FAM222A: variants seen among roughly 807,000 people sequenced by gnomAD.
FAM222A encodes the protein family with sequence similarity 222 member A, also known as protein FAM222A.
FAM222A carries 7 observed loss-of-function variants against 25.8 expected under a neutral mutation model. The ratio of observed to expected loss-of-function variants is 0.27; its 90% CI spans 0.15 to 0.51. The LOEUF (loss-of-function observed/expected upper bound fraction) is 0.51, where lower values mean the gene tolerates loss of function less well. Among genes scored for constraint, FAM222A ranks in the 20% least tolerant of loss-of-function variants. The pLI, the probability that FAM222A is intolerant of heterozygous loss-of-function variation, is 0.97. For missense variants in FAM222A, 573 were observed against 640.5 expected, an observed-to-expected ratio of 0.89 and a Z score of 1.14; for synonymous variants, 294 against 298.8, an observed-to-expected ratio of 0.98 and a Z score of 0.17.
At chr12:109,767,931 A>C (rs1889102634) in intron 2 of FAM222A, 81 bp from the exon 3 acceptor site, 3 of 1,340,648 alleles carry the variant, frequency 2.2e-6, no homozygotes, top group Non-Finnish European at 3.1e-6. Flanking sequence ...AAATGAGTGG[A>C]GGGGGCGGGA....
At chr12:109,723,712 C>T (rs574922986) in intron 1 of FAM222A, among the ~76,000 whole-genome samples, 48 of 152,346 alleles carry the variant, frequency 3.2e-4, no homozygotes, top group African/African-American at 1.1e-3. Flanking sequence ...GCTGTGATGC[C>T]GCATCGCATC....
intron 2 of FAM222A, among the ~76,000 whole-genome samples, chr12:109,748,341 T>C (rs201095926): frequency 0.15 from 21,034 of 144,824 alleles, 1,674 homozygotes; most frequent in East Asian, 0.31. Flanking sequence ...TTTCTTTTTT[T>C]TTTTTTTTTT....
chr12:109,735,740 G>A (rs1045644411), intron 1 of FAM222A: 3 of 152,214 alleles, frequency 2.0e-5, no homozygotes, highest in Non-Finnish European at 4.4e-5. Context: ...GGGGGCTTTC[G>A]GCTGAGCTCA....
intron 1 of FAM222A, chr12:109,736,067 A>G (rs1322273691): frequency 6.6e-6 from 1 of 152,380 alleles, no homozygotes; most frequent in African/African-American, 2.4e-5. Flanking sequence ...CCTGTCCTGA[A>G]CTAGCACTAG....
At position 109,768,350 on chromosome 12, in the gene FAM222A, G is replaced by T. The variant is rs764817979; in HGVS notation, c.421G>T (p.Val141Leu). The part of the protein sequence containing the change: ...GKRTKLSPAA[V>L]QVGIAPYPVP... ...GCGGACCAAGCTGTCACCGGCCGCCGTGCAGGTGGGCATTGCGCCCTACCC... is the reference window on the plus strand; with the variant it reads ...GCGGACCAAGCTGTCACCGGCCGCCTTGCAGGTGGGCATTGCGCCCTACCC... Residue 141 changes from valine (V) to leucine (L), a missense_variant, in exon 3 of 3, where the codon GTG becomes TTG. Val to Leu is a conservative substitution (Grantham distance 32, BLOSUM62 1). Transcript: ENST00000538780. The T allele has an allele frequency of 1.3e-6, 2 of 1,595,956 alleles. No individual in the cohort carries two copies. The highest frequency in any genetic ancestry group is 1.7e-6 in the Non-Finnish European group (2 of 1,174,812).
At chr12:109,723,374 C>G (rs922126038) in intron 1 of FAM222A, among the ~76,000 whole-genome samples, 1 of 152,220 alleles carries the variant, frequency 6.6e-6, no homozygotes. Flanking sequence ...CTTCTTGGCA[C>G]CACTGTAGAT....
chr12:109,755,130 G>A (rs1262448647), intron 2 of FAM222A, among the ~76,000 whole-genome samples: 1 of 152,086 alleles, frequency 6.6e-6, no homozygotes, highest in Non-Finnish European at 1.5e-5. Flanking sequence ...AAGCACAAAA[G>A]TTTTGAATTT....
At chr12:109,741,349 G>C (rs906860303) in intron 1 of FAM222A, among the ~76,000 whole-genome samples, 35 of 152,316 alleles carry the variant, frequency 2.3e-4, no homozygotes, top group African/African-American at 8.2e-4. Flanking sequence ...GGAGGATGTA[G>C]GCAGCTGCCC....
At chr12:109,743,917 G>T (rs1888314526) in intron 1 of FAM222A, 184 bp from the exon 2 acceptor site, 1 of 985,296 alleles carries the variant, frequency 1.0e-6, no homozygotes, top group Non-Finnish European at 1.2e-6. Context: ...TTCCCATGAG[G>T]CCACAGATGG....
intron 1 of FAM222A, 96 bp from the exon 2 acceptor site, chr12:109,744,005 G>A: frequency 1.4e-6 from 2 of 1,431,836 alleles, no homozygotes; most frequent in Non-Finnish European, 1.8e-6. Flanking sequence ...AGTCTCTGAT[G>A]TTCTTCGGGG....
intron 1 of FAM222A, among the ~76,000 whole-genome samples, chr12:109,724,344 C>G (rs971458309): frequency 6.6e-6 from 1 of 152,250 alleles, no homozygotes; most frequent in Admixed American, 6.5e-5. Context: ...GTGAAAGAGC[C>G]GTGTCACGGG....
At chr12:109,723,948 C>CT (rs1052652777) in intron 1 of FAM222A, among the ~76,000 whole-genome samples, 34 of 151,944 alleles carry the variant, frequency 2.2e-4, no homozygotes, top group Non-Finnish European at 4.0e-4. Context: ...AAAAAATCCC[C>CT]TTTTTTTTTC....
chr12:109,715,514 C>T (rs1275679782), intron 1 of FAM222A, among the ~76,000 whole-genome samples: 1 of 151,762 alleles, frequency 6.6e-6, no homozygotes, highest in Non-Finnish European at 1.5e-5. Context: ...GACCCAAGGC[C>T]GGAGGGGGCG....
intron 1 of FAM222A, among the ~76,000 whole-genome samples, chr12:109,739,291 G>C (rs1202843064): frequency 1.3e-5 from 2 of 152,244 alleles, no homozygotes; most frequent in African/African-American, 2.4e-5. Context: ...TGCCACATCA[G>C]GAAAATGCTG....
intron 2 of FAM222A, among the ~76,000 whole-genome samples, chr12:109,760,618 C>A (rs974021355): frequency 6.6e-6 from 1 of 151,896 alleles, no homozygotes; most frequent in African/African-American, 2.4e-5. Flanking sequence ...TCCCTGCCCA[C>A]CTCAGTCCCT....
intron 1 of FAM222A, among the ~76,000 whole-genome samples, chr12:109,733,207 A>C (rs769964577): frequency 3.9e-5 from 6 of 152,190 alleles, no homozygotes; most frequent in Non-Finnish European, 7.3e-5. Context: ...AACTGAACTG[A>C]GATGTAAAAT....
At chr12:109,718,001 A>G (rs370369773) in intron 1 of FAM222A, among the ~76,000 whole-genome samples, 14 of 152,166 alleles carry the variant, frequency 9.2e-5, no homozygotes, top group Admixed American at 3.9e-4. Flanking sequence ...CGCCGCTTGC[A>G]GGCTGTGTGA....
rs1195740924 is a variant in FAM222A, at chr12:109,715,080, G to T, written c.-47+183G>T. ...GATGGGCCAGCCGATGGGAGTGGAG[G>T]TTGGGGGGCCCATTCGGATTCCGCG... is the stretch of plus-strand genomic sequence containing the variant. On this transcript the variant is annotated intron_variant, in intron 1 of 2. Transcript: ENST00000538780. 2.6e-5 allele frequency among the ~76,000 whole-genome samples: 4 copies of T among 152,348 alleles called. No individual in the cohort carries two copies. The East Asian group carries it at 7.7e-4, about 29-fold the overall frequency.
At chr12:109,730,697 C>T (rs766528046) in intron 1 of FAM222A, among the ~76,000 whole-genome samples, 3 of 152,318 alleles carry the variant, frequency 2.0e-5, no homozygotes, top group Non-Finnish European at 4.4e-5. Flanking sequence ...GTTCCTGCAG[C>T]CTGGCACACC....
Sources: gnomAD v4.1 joint callset for allele counts (sites outside exome capture counted in the v4.1 genomes callset) on GRCh38, gnomAD v4.1.1 for gene constraint, MANE v1.5 for transcripts, NCBI Gene and HGNC (gene_info 2026-07-23, HGNC 2026-07-21) for gene names.